RHCG: variants seen among roughly 807,000 people sequenced by gnomAD.
RHCG encodes the protein Rh family C glycoprotein.
In RHCG, 39 loss-of-function variants were observed where a neutral mutation model predicts 55.3. The ratio of observed to expected loss-of-function variants is 0.70; its 90% CI spans 0.55 to 0.92. The LOEUF is 0.92. RHCG is among the 40% of genes least tolerant of loss of function. The pLI is 0.00. For missense variants in RHCG, 635 were observed against 627.9 expected (o/e 1.01, Z -0.12); for synonymous variants, 250 against 246.8 (o/e 1.01, Z -0.12).
rs561663057 is a variant in RHCG at position 89,478,058 on chromosome 15, A to G, written c.838-84T>C. ...GGAGGAGCTCACTTGCTGGCTGTGC[A>G]AGGGTGCAGCCTGGCTCCTGGGAGC... On this transcript the variant is annotated intron_variant, in intron 5 of 10. Transcript: ENST00000268122. The G allele has an allele frequency of 4.6e-6, 7 of 1,508,948 alleles. No individual in the cohort carries two copies. The East Asian group carries it at 1.4e-4, about 30-fold the overall frequency. The allele number at this position is 1,508,948 out of a possible 1,614,324, so 93.5% of individuals were successfully genotyped here.
Position 89,477,883 on chromosome 15 carries a change from C to G in RHCG, c.929G>C (p.Gly310Ala). The G allele has an allele frequency of 6.2e-7, 1 of 1,614,074 alleles. No individual in the cohort carries two copies. The highest frequency in any genetic ancestry group is 1.3e-5 in the African/African-American group (1 of 75,024). Reference sequence around the variant, plus strand: ...GGTGGAGATGATGCCGCAGACGAAGCCGATGATGAGGGCACCGTAAGGCAT... The same window carrying G: ...GGTGGAGATGATGCCGCAGACGAAGGCGATGATGAGGGCACCGTAAGGCAT... Reference protein sequence around the residue: ...MLMPYGALIIGFVCGIISTLG... With the variant: ...MLMPYGALIIAFVCGIISTLG... The change falls in exon 6 of 11, where the codon GGC (glycine) becomes GCC (alanine). Residue 310 changes from glycine (G) to alanine (A), a missense_variant. Coordinates refer to ENST00000268122, the MANE Select transcript of RHCG (RefSeq NM_016321.3). This position sits in a 1 kb window ranked among gnomAD's most constrained non-coding sequence, Gnocchi z 4.5.
chr15:89,472,945 A>C (rs1961068428), intron 9 of RHCG, 82 bp from the exon 10 acceptor site: 2 of 1,368,972 alleles, frequency 1.5e-6, no homozygotes, highest in Non-Finnish European at 1.9e-6. Context: ...TGGAGCTGCA[A>C]ATGGTGTGTG....
intron 2 of RHCG, among the ~76,000 whole-genome samples, chr15:89,484,998 T>A (rs1006308258): frequency 6.6e-6 from 1 of 152,054 alleles, no homozygotes; most frequent in Non-Finnish European, 1.5e-5. Context: ...CATCTCTGGA[T>A]CCACAAGGTC....
chr15:89,475,404 G>A (rs1184384874), intron 9 of RHCG, among the ~76,000 whole-genome samples: 2 of 152,006 alleles, frequency 1.3e-5, no homozygotes, highest in Non-Finnish European at 2.9e-5. Context: ...CACTGAGCCC[G>A]GCTAATTTTT....
intron 1 of RHCG, among the ~76,000 whole-genome samples, chr15:89,495,607 C>T (rs1841983585): frequency 6.6e-6 from 1 of 152,170 alleles, no homozygotes; most frequent in African/African-American, 2.4e-5. Flanking sequence ...GTGTTTGGTG[C>T]TCTTGTAGCA....
rs1329976594 is a variant in RHCG, at chr15:89,477,828, G to A, written c.975+9C>T. On this transcript the variant is annotated intron_variant, in intron 6 of 10. Coordinates refer to ENST00000268122, the MANE Select transcript of RHCG (RefSeq NM_016321.3). The surrounding 1 kb of genome is among the most constrained non-coding windows in gnomAD (Gnocchi z 4.5). ...CTCTAGCCCCCAGCCCCTTGCCTGG[G>A]GCACTTACGGTCAGGTATACAAAAC... The A allele has an allele frequency of 1.2e-6, 2 of 1,614,018 alleles. No homozygotes were observed. The highest frequency in any genetic ancestry group is 1.7e-6 in the Non-Finnish European group (2 of 1,179,982).
In RHCG at chr15:89,483,148, G is replaced by A. The variant is rs754394269; in HGVS notation, c.441C>T (p.Ser147=). 4.4e-6 allele frequency: 7 copies of A among 1,607,192 alleles called. No individual in the cohort carries two copies. The highest frequency in any genetic ancestry group is 6.0e-6 in the Non-Finnish European group (7 of 1,174,450). Residue 147 remains serine (S), a synonymous_variant, in exon 3 of 11, where the codon AGC becomes AGT. Transcript: ENST00000268122. ...AAGTCATGATGAGCAGCTGAATGGG[G>A]CTGACTTTACCCAGAACTGCCCCAA... ...VAFGAVLGKV[S]PIQLLIMTFF...
chr15:89,487,253 C>T (rs1961393050), intron 1 of RHCG, among the ~76,000 whole-genome samples: 1 of 152,158 alleles, frequency 6.6e-6, no homozygotes, highest in Non-Finnish European at 1.5e-5. Context: ...AGGTGGGCCC[C>T]CACCTTAGCC....
chr15:89,474,780 GCCTGCCTTCCTTCCTT>G (rs1567223899), intron 9 of RHCG, among the ~76,000 whole-genome samples: 7 of 99,360 alleles, frequency 7.0e-5, no homozygotes, highest in African/African-American at 2.7e-4. Flanking sequence ...CTTCCTTCCT[GCCTGCCTTCCTTCCTT>G]CCTGCCTGCC....
chr15:89,487,191 C>T lies in RHCG; in HGVS notation c.185-206G>A, dbSNP rs566627926. ...CAAGGTAACGCTGCGGGCAGAGCCT[C>T]CAGTTCCTTCATAAGGGCCTCTCTA... On this transcript the variant is annotated intron_variant, in intron 1 of 10. Transcript: ENST00000268122. Among the ~76,000 whole-genome samples the T allele has an allele frequency of 4.6e-5, 7 of 152,302 alleles. No individual in the cohort carries two copies. In the South Asian group the frequency reaches 1.5e-3, roughly 32 times the overall value.
chr15:89,491,368 T>C (rs1174097164), intron 1 of RHCG, among the ~76,000 whole-genome samples: 4 of 152,210 alleles, frequency 2.6e-5, no homozygotes. Context: ...ACCTCCCCAA[T>C]TTGTCCTCTT....
intron 2 of RHCG, among the ~76,000 whole-genome samples, chr15:89,484,969 A>C (rs1328385922): frequency 1.3e-5 from 2 of 152,088 alleles, no homozygotes; most frequent in African/African-American, 4.8e-5. Context: ...GACAGGCCAG[A>C]AGCCAGGGGG....
In RHCG at chr15:89,491,972, C is replaced by T. The variant is rs554785489; in HGVS notation, c.184+4389G>A. ...GGTATAACGCAATCAAAGCCCTATGCGAAGGCAGCTGGCTCTTTAGAAATT... is the reference window on the plus strand; with the variant it reads ...GGTATAACGCAATCAAAGCCCTATGTGAAGGCAGCTGGCTCTTTAGAAATT... On this transcript the variant is annotated intron_variant, in intron 1 of 10. Coordinates refer to ENST00000268122, the MANE Select transcript of RHCG (RefSeq NM_016321.3). Among the ~76,000 whole-genome samples the T allele has an allele frequency of 4.1e-4, 62 of 152,192 alleles. 1 individual carries two copies. Among genetic ancestry groups the T allele is most frequent in the Non-Finnish European group, 1.3e-4 (9 of 67,998 alleles).
At chr15:89,483,986 C>G (rs989643966) in intron 2 of RHCG, among the ~76,000 whole-genome samples, 22 of 152,218 alleles carry the variant, frequency 1.4e-4, no homozygotes, top group Admixed American at 3.9e-4. Flanking sequence ...TTTGCCCAAG[C>G]CTGGCCTCCT....
Position 89,486,912 on chromosome 15 carries a change from G to C in RHCG, c.258C>G (p.Phe86Leu). Residue 86 changes from phenylalanine (F) to leucine (L), a missense_variant, in exon 2 of 11, where the codon TTC (phenylalanine) becomes TTG (leucine). Phe to Leu is a conservative substitution (Grantham distance 22). Coordinates refer to ENST00000268122, the MANE Select transcript of RHCG (RefSeq NM_016321.3). ...FLMTFLQRYG[F>L]SAVGFNFLLA... ...ACAGGAAGTTGAAGCCCACGGCGCT[G>C]AAGCCGTAGCGCTGCAGGAAAGTCA... is the stretch of plus-strand genomic sequence containing the variant. The C allele has an allele frequency of 6.2e-7, 1 of 1,613,102 alleles. No homozygotes were observed. Among genetic ancestry groups the C allele is most frequent in the East Asian group, 2.2e-5 (1 of 44,840 alleles).
At chr15:89,473,792 C>A (rs916905925) in intron 9 of RHCG, among the ~76,000 whole-genome samples, 1 of 152,144 alleles carries the variant, frequency 6.6e-6, no homozygotes, top group African/African-American at 2.4e-5. Context: ...GATCCTGTAA[C>A]CAATCCCCTG....
At chr15:89,491,457 A>G (rs926894418) in intron 1 of RHCG, among the ~76,000 whole-genome samples, 1 of 152,196 alleles carries the variant, frequency 6.6e-6, no homozygotes, top group African/African-American at 2.4e-5. Flanking sequence ...TGTTTCATAA[A>G]GTATGATGCT....
intron 8 of RHCG, 121 bp from the exon 9 acceptor site, chr15:89,476,949 T>G: frequency 1.6e-5 from 24 of 1,542,044 alleles, no homozygotes; most frequent in Non-Finnish European, 2.1e-5. Context: ...ATTGTCCCAG[T>G]CCTGTAGCCA....
intron 9 of RHCG, among the ~76,000 whole-genome samples, chr15:89,476,357 G>A (rs748555708): frequency 1.2e-4 from 18 of 152,134 alleles, no homozygotes; most frequent in African/African-American, 3.9e-4. Context: ...TGTGAGCTAC[G>A]GCACCCATGA....
Sources: gnomAD v4.1 joint callset for allele counts (sites outside exome capture counted in the v4.1 genomes callset) on GRCh38, gnomAD v4.1.1 for gene constraint, Gnocchi (gnomAD v3.1) non-coding constraint, MANE v1.5 for transcripts, NCBI Gene and HGNC (gene_info 2026-07-23, HGNC 2026-07-21) for gene names.